The following DLG2 variants were observed in gnomAD, a reference collection of about 807,000 sequenced individuals.
DLG2 encodes the protein discs large MAGUK scaffold protein 2.
In DLG2, 45 loss-of-function variants were observed where a neutral mutation model predicts 132.5. That is an observed-to-expected ratio of 0.34 (90% CI 0.27 to 0.44). DLG2 has a LOEUF of 0.44. Ranked by LOEUF, DLG2 falls within the 20% of genes least tolerant of loss-of-function variation. DLG2 has a pLI of 1.00. For synonymous variants in DLG2, 424 were observed against 419.6 expected (o/e 1.01, Z -0.13); for missense variants, 1,045 against 1,196.9 (o/e 0.87, Z 1.87).
intron 21 of DLG2, among the ~76,000 whole-genome samples, chr11:83,530,555 G>A (rs1397675065): frequency 6.6e-6 from 1 of 151,922 alleles, no homozygotes; most frequent in Non-Finnish European, 1.5e-5. Flanking sequence ...AGATGGGAAA[G>A]TTATTTTACA....
At chr11:83,522,128 T>C (rs1015997543) in intron 21 of DLG2, among the ~76,000 whole-genome samples, 1 of 152,212 alleles carries the variant, frequency 6.6e-6, no homozygotes, top group Non-Finnish European at 1.5e-5. Flanking sequence ...TTACTTTTGC[T>C]CCTGCTGTTT....
intron 15 of DLG2, among the ~76,000 whole-genome samples, chr11:83,912,025 G>A (rs775514348): frequency 6.6e-6 from 1 of 151,600 alleles, no homozygotes; most frequent in Non-Finnish European, 1.5e-5. Flanking sequence ...TAAAACACAA[G>A]AGCAAAAATG....
chr11:84,004,981 T>C (rs1340758849), intron 11 of DLG2, among the ~76,000 whole-genome samples: 1 of 136,686 alleles, frequency 7.3e-6, no homozygotes, highest in Non-Finnish European at 1.6e-5. Flanking sequence ...GCTGAAGCAA[T>C]CCTGAGCAAA....
chr11:84,190,082 A>G (rs2096375186), intron 8 of DLG2, among the ~76,000 whole-genome samples: 1 of 152,112 alleles, frequency 6.6e-6, no homozygotes, highest in African/African-American at 2.4e-5. Context: ...GGGAGTCCAT[A>G]GAAGACACAT....
intron 3 of DLG2, chr11:85,336,318 G>A (rs891941220): frequency 6.5e-6 from 1 of 153,154 alleles, no homozygotes; most frequent in Non-Finnish European, 1.5e-5. Context: ...AAGCCCAAAT[G>A]ATCTGCCTTC....
intron 8 of DLG2, among the ~76,000 whole-genome samples, chr11:84,191,920 A>G (rs2096415404): frequency 1.3e-5 from 2 of 152,054 alleles, no homozygotes; most frequent in Admixed American, 1.3e-4. Context: ...TTAAAAAAAA[A>G]AAATGCTGAG....
At chr11:84,715,772 C>T (rs1212635350) in intron 6 of DLG2, among the ~76,000 whole-genome samples, 2 of 152,030 alleles carry the variant, frequency 1.3e-5, no homozygotes, top group Non-Finnish European at 2.9e-5. Context: ...AAAATAGATA[C>T]ATGCCACAAT....
At chr11:83,492,048 G>C (rs528832693) in intron 21 of DLG2, among the ~76,000 whole-genome samples, 1 of 152,200 alleles carries the variant, frequency 6.6e-6, no homozygotes, top group East Asian at 1.9e-4. Flanking sequence ...TGCTACAGCA[G>C]CAGAATTGAG....
chr11:84,836,017 G>C (rs963861212), intron 6 of DLG2, among the ~76,000 whole-genome samples: 9 of 151,716 alleles, frequency 5.9e-5, no homozygotes, highest in African/African-American at 1.7e-4. Context: ...GAAAACAGGA[G>C]AGCAGGAACT....
intron 2 of DLG2, among the ~76,000 whole-genome samples, chr11:85,602,633 A>C (rs1224396260): frequency 6.6e-6 from 1 of 151,996 alleles, no homozygotes; most frequent in African/African-American, 2.4e-5. Context: ...ATAGCCAAAA[A>C]TATCCTTTCA....
chr11:85,212,742 G>A (rs2152569945), intron 4 of DLG2, among the ~76,000 whole-genome samples: 1 of 152,262 alleles, frequency 6.6e-6, no homozygotes, highest in South Asian at 2.1e-4. Context: ...GCATTGAGAA[G>A]TTAAATGACC....
Position 83,541,848 on chromosome 11 carries a change from C to G in DLG2, c.1951G>C (p.Asp651His). The G allele has an allele frequency of 6.2e-7, 1 of 1,605,062 alleles. No homozygotes were observed. Among genetic ancestry groups the G allele is most frequent in the Non-Finnish European group, 8.5e-7 (1 of 1,175,378 alleles). The change falls in exon 20 of 28, where the codon GAC becomes CAC. Residue 651 changes from aspartate to histidine, a missense_variant. By Grantham distance (81) the Asp-to-His change is moderately conservative (BLOSUM62 -1). Around this residue, in one of 4 missense-constraint regions of DLG2, gnomAD observed 398 missense variants for 543.6 expected, o/e 0.73. Transcript: ENST00000376104. ...CCACTGTCCTTGCTCTTGTCGTAGT[C>G]GAACATGGCTCTGGAGGAAAGGACA... Reference protein sequence around the residue: ...KRSLYVRAMFDYDKSKDSGLP... With the variant: ...KRSLYVRAMFHYDKSKDSGLP...
intron 6 of DLG2, among the ~76,000 whole-genome samples, chr11:85,065,578 T>A (rs930540072): frequency 6.6e-6 from 1 of 151,170 alleles, no homozygotes; most frequent in Non-Finnish European, 1.5e-5. Flanking sequence ...TTTTTTATTA[T>A]ACTTTAAGTT....
rs57445306 is a variant in DLG2 at position 84,441,132 on chromosome 11, A to AATTATTATT, written c.519+93429_519+93437dup. On this transcript the variant is annotated intron_variant, in intron 7 of 27. Coordinates refer to ENST00000376104, the MANE Select transcript of DLG2 (RefSeq NM_001142699.3). ...CTTTGGCTAATGTCTGATGTTAGTA[A>AATTATTATT]ATTATTATTATTATTATTATTATTA... is the stretch of plus-strand genomic sequence containing the variant. 8.4e-3 allele frequency among the ~76,000 whole-genome samples: 1,244 copies of AATTATTATT among 148,568 alleles called. 6 individuals carry two copies. Among genetic ancestry groups the AATTATTATT allele is most frequent in the East Asian group, 0.037 (189 of 5,074 alleles).
At chr11:84,104,994 A>G (rs1358542225) in intron 9 of DLG2, among the ~76,000 whole-genome samples, 1 of 152,140 alleles carries the variant, frequency 6.6e-6, no homozygotes, top group Non-Finnish European at 1.5e-5. Context: ...TAACTTACTT[A>G]AAGACGTGAA....
At chr11:85,454,646 A>G (rs2092361183) in intron 3 of DLG2, among the ~76,000 whole-genome samples, 1 of 152,096 alleles carries the variant, frequency 6.6e-6, no homozygotes, top group Non-Finnish European at 1.5e-5. Flanking sequence ...GTTTTCTTCT[A>G]GAGTTTTTAT....
At chr11:84,334,814 A>G (rs1012452261) in intron 7 of DLG2, among the ~76,000 whole-genome samples, 7 of 152,112 alleles carry the variant, frequency 4.6e-5, no homozygotes, top group African/African-American at 1.4e-4. Flanking sequence ...GAAGTGTTAG[A>G]GGCTATGGGG....
At position 84,867,502 on chromosome 11, in the gene DLG2, C is replaced by T. The variant is rs79695003; in HGVS notation, c.357+244159G>A. 7.3e-3 allele frequency among the ~76,000 whole-genome samples: 1,113 copies of T among 152,284 alleles called. 18 individuals carry two copies. Among genetic ancestry groups the T allele is most frequent in the African/African-American group, 0.025 (1,025 of 41,546 alleles). ...GCTTCTAAAGCTAGCTTTTCTGTCT[C>T]TAGTTAGCCTTTGTTTTTTAAGGCT... is the stretch of plus-strand genomic sequence containing the variant. On this transcript the variant is annotated intron_variant, in intron 6 of 27. Transcript: ENST00000376104.
At chr11:84,571,665 T>G (rs1316876076) in intron 6 of DLG2, among the ~76,000 whole-genome samples, 1 of 151,872 alleles carries the variant, frequency 6.6e-6, no homozygotes, top group Non-Finnish European at 1.5e-5. Context: ...GTTTCAAGAG[T>G]GGTGACATGT....
Sources: gnomAD v4.1 joint callset for allele counts (sites outside exome capture counted in the v4.1 genomes callset) on GRCh38, gnomAD v4.1.1 for gene constraint, gnomAD v4.1.1 regional missense constraint, MANE v1.5 for transcripts, NCBI Gene and HGNC (gene_info 2026-07-23, HGNC 2026-07-21) for gene names.